STAP1: variants seen among roughly 807,000 people sequenced by gnomAD.
STAP1 encodes signal-transducing adaptor protein 1.
In STAP1, 30 loss-of-function variants were observed where a neutral mutation model predicts 37.8. That is an observed-to-expected ratio of 0.79 (90% CI 0.59 to 1.08). The LOEUF (loss-of-function observed/expected upper bound fraction) is 1.08, where lower values mean the gene tolerates loss of function less well. Ranked by LOEUF, STAP1 falls within the 50% of genes least tolerant of loss-of-function variation. The pLI is 0.00. For synonymous variants in STAP1, 130 were observed against 116.0 expected, an observed-to-expected ratio of 1.12 and a Z score of -0.78; for missense variants, 357 against 349.4, an observed-to-expected ratio of 1.02 and a Z score of -0.17.
intron 3 of STAP1, among the ~76,000 whole-genome samples, chr4:67,576,083 A>G (rs978613296): frequency 1.3e-5 from 2 of 152,148 alleles, no homozygotes; most frequent in African/African-American, 4.8e-5. Flanking sequence ...TTATTCATTC[A>G]TTGTGATTAT....
At chr4:67,558,981 A>T in intron 1 of STAP1, 52 bp downstream of exon 1, 2 of 1,507,984 alleles carry the variant, frequency 1.3e-6, no homozygotes, top group Non-Finnish European at 8.9e-7. Flanking sequence ...TTAATTTAAT[A>T]TTTATTTCAT....
At chr4:67,584,809 G>A (rs1054752137) in intron 6 of STAP1, among the ~76,000 whole-genome samples, 8 of 152,144 alleles carry the variant, frequency 5.3e-5, no homozygotes, top group Non-Finnish European at 1.2e-4. Context: ...ATCACTCAGA[G>A]CCCTACAGAT....
Position 67,558,757 on chromosome 4 carries a change from A to G in STAP1, c.-53A>G, listed in dbSNP as rs79859115. On this transcript the variant is annotated 5_prime_UTR_variant, in exon 1 of 9. Coordinates refer to ENST00000265404, the MANE Select transcript of STAP1 (RefSeq NM_012108.4). ...GTTGCCTTTTCCTCTCACAGAAGGA[A>G]GATTTCATTTTGTTTGAGACGAGAA... The G allele has an allele frequency of 2.7e-4, 422 of 1,578,526 alleles. 3 individuals carry two copies. In the African/African-American group the frequency reaches 5.0e-3, roughly 19 times the overall value.
At chr4:67,590,201 C>T (rs1257166077) in intron 6 of STAP1, among the ~76,000 whole-genome samples, 2 of 152,168 alleles carry the variant, frequency 1.3e-5, no homozygotes, top group Non-Finnish European at 2.9e-5. Context: ...TGTTCATAAG[C>T]AGTTCATAAT....
intron 8 of STAP1, among the ~76,000 whole-genome samples, chr4:67,597,435 C>T (rs1728250585): frequency 6.6e-6 from 1 of 152,210 alleles, no homozygotes; most frequent in East Asian, 1.9e-4. Context: ...GTTAGAGCCC[C>T]CACACAGAGT....
chr4:67,586,911 C>A (rs969501900), intron 6 of STAP1, among the ~76,000 whole-genome samples: 15 of 152,162 alleles, frequency 9.9e-5, no homozygotes, highest in African/African-American at 3.6e-4. Context: ...ACACTAGAGT[C>A]AGTATGCACT....
intron 1 of STAP1, among the ~76,000 whole-genome samples, chr4:67,564,892 C>T (rs13120253): frequency 0.69 from 104,701 of 152,036 alleles, 37,301 homozygotes; most frequent in Non-Finnish European, 0.79. Context: ...GCATTCCACC[C>T]TGGGTGACAG....
At chr4:67,598,629 AGATTT>A (rs1483240717) in intron 8 of STAP1, among the ~76,000 whole-genome samples, 1 of 152,150 alleles carries the variant, frequency 6.6e-6, no homozygotes, top group Non-Finnish European at 1.5e-5. Flanking sequence ...TTGTTTTATT[AGATTT>A]GTTTCCTATT....
In STAP1 at chr4:67,578,513, T is replaced by C. The variant is rs73829227; in HGVS notation, c.363+1254T>C. ...GGACCAGTTAAAGATGTGAAGAACA[T>C]GTTGACTTCTGAGAGGGAGAGGAAG... On this transcript the variant is annotated intron_variant, in intron 4 of 8. Transcript: ENST00000265404. Among the ~76,000 whole-genome samples the C allele has an allele frequency of 3.8e-3, 578 of 152,084 alleles. 4 individuals are homozygous for C. The highest frequency in any genetic ancestry group is 0.013 in the African/African-American group (558 of 41,488).
In STAP1 at chr4:67,584,637, C is replaced by A. The variant is rs193028561; in HGVS notation, c.659+935C>A. Among the ~76,000 whole-genome samples, 304 of 152,234 alleles carry A rather than the reference C, an allele frequency of 2.0e-3. 4 individuals are homozygous for A. Among genetic ancestry groups the A allele is most frequent in the African/African-American group, 6.6e-3 (276 of 41,544 alleles). On this transcript the variant is annotated intron_variant, in intron 6 of 8. Coordinates refer to ENST00000265404, the MANE Select transcript of STAP1 (RefSeq NM_012108.4). Reference sequence around the variant, plus strand: ...GAAGGAAGTGAGAAAATAAACCCTACCAATATCTGGGGCAAAAGTGCTCCA... The same window carrying A: ...GAAGGAAGTGAGAAAATAAACCCTAACAATATCTGGGGCAAAAGTGCTCCA...
At chr4:67,601,992 G>T (rs1353967252) in intron 8 of STAP1, among the ~76,000 whole-genome samples, 1 of 151,530 alleles carries the variant, frequency 6.6e-6, no homozygotes. Flanking sequence ...TTGCTCTTTG[G>T]AGGCTTTTTT....
At chr4:67,572,103 C>G (rs558048877) in intron 2 of STAP1, among the ~76,000 whole-genome samples, 2 of 152,208 alleles carry the variant, frequency 1.3e-5, no homozygotes, top group Non-Finnish European at 2.9e-5. Flanking sequence ...TCTCTTCAGA[C>G]AGCCTGCCTG....
chr4:67,564,899 A>T (rs1727432070), intron 1 of STAP1, among the ~76,000 whole-genome samples: 1 of 152,192 alleles, frequency 6.6e-6, no homozygotes, highest in East Asian at 1.9e-4. Context: ...ACCCTGGGTG[A>T]CAGGAGACTC....
At chr4:67,585,881 A>T (rs2319416) in intron 6 of STAP1, among the ~76,000 whole-genome samples, 68,897 of 152,066 alleles carry the variant, frequency 0.45, 17,075 homozygotes, top group Non-Finnish European at 0.58. Flanking sequence ...GATTTACGAA[A>T]TTGTGTATGA....
chr4:67,563,118 A>G (rs1337482143), intron 1 of STAP1, among the ~76,000 whole-genome samples: 1 of 152,164 alleles, frequency 6.6e-6, no homozygotes, highest in Admixed American at 6.6e-5. Context: ...CATTTTTGCT[A>G]GTTGTATTAA....
At chr4:67,589,131 T>A (rs985712984) in intron 6 of STAP1, among the ~76,000 whole-genome samples, 4 of 152,218 alleles carry the variant, frequency 2.6e-5, no homozygotes, top group African/African-American at 9.6e-5. Flanking sequence ...AATACAGGAA[T>A]TGTAATTGAA....
chr4:67,593,186 T>C lies in STAP1; in HGVS notation c.730-74T>C, dbSNP rs923394962. The stretch of plus-strand genomic sequence containing the variant: ...AGTAATGACAGTAATCTCCATTAGA[T>C]TCCAGTTGAGCCTTCTCTTACTCTA... On this transcript the variant is annotated intron_variant, in intron 7 of 8. Coordinates refer to ENST00000265404, the MANE Select transcript of STAP1 (RefSeq NM_012108.4). The C allele has an allele frequency of 2.9e-6, 3 of 1,021,770 alleles. No individual in the cohort carries two copies. In the African/African-American group the frequency reaches 4.9e-5, roughly 17 times the overall value. 63.3% of individuals were successfully genotyped at this position (1,021,770 alleles called of 1,614,324 possible). A position where few individuals can be genotyped will look rare whatever the true frequency, so the allele number is the denominator to read the frequency against.
chr4:67,591,858 C>T (rs905979092), intron 7 of STAP1, among the ~76,000 whole-genome samples: 1 of 152,162 alleles, frequency 6.6e-6, no homozygotes, highest in Non-Finnish European at 1.5e-5. Context: ...GTTATCAGAT[C>T]CATTCCTGAC....
intron 2 of STAP1, among the ~76,000 whole-genome samples, chr4:67,573,037 G>A (rs1268170610): frequency 6.6e-6 from 1 of 152,192 alleles, no homozygotes; most frequent in South Asian, 2.1e-4. Context: ...TAAAGTGATA[G>A]TCTCAGAAGA....
Sources: gnomAD v4.1 joint callset for allele counts (sites outside exome capture counted in the v4.1 genomes callset) on GRCh38, gnomAD v4.1.1 for gene constraint, MANE v1.5 for transcripts, NCBI Gene and HGNC (gene_info 2026-07-23, HGNC 2026-07-21) for gene names.